Variants in CLVS1 observed in about 807,000 individuals in gnomAD.
CLVS1 encodes the protein clavesin-1.
Under a neutral mutation model 33.1 loss-of-function variants are expected in CLVS1, and 10 were observed. The observed-to-expected ratio is 0.30, with a 90% CI of 0.19 to 0.51. The LOEUF (loss-of-function observed/expected upper bound fraction) is 0.51, where lower values mean the gene tolerates loss of function less well. Among genes scored for constraint, CLVS1 ranks in the 20% least tolerant of loss-of-function variants. The pLI is 0.97. For synonymous variants in CLVS1, 163 were observed against 166.1 expected (o/e 0.98, Z 0.14); for missense variants, 343 against 433.4 (o/e 0.79, Z 1.85).
At chr8:61,092,234 A>T (rs1254304484) in intron 1 of CLVS1, among the ~76,000 whole-genome samples, 1 of 152,130 alleles carries the variant, frequency 6.6e-6, no homozygotes, top group Non-Finnish European at 1.5e-5. Context: ...GTTGGTGTTT[A>T]TGTCCCTGTA....
intron 2 of CLVS1, among the ~76,000 whole-genome samples, chr8:61,223,333 A>T (rs924346377): frequency 6.6e-6 from 1 of 151,910 alleles, no homozygotes; most frequent in Admixed American, 6.6e-5. Flanking sequence ...TCTTTTCTAC[A>T]TTTAGTGCTT....
intron 2 of CLVS1, among the ~76,000 whole-genome samples, chr8:61,316,668 C>A (rs1270632573): frequency 6.6e-6 from 1 of 152,186 alleles, no homozygotes; most frequent in Non-Finnish European, 1.5e-5. Context: ...ACAGTTTACA[C>A]TGAGAATTAA....
chr8:61,499,354 C>CTAT, intron 5 of CLVS1, 101 bp from the exon 6 acceptor site: 1 of 730,578 alleles, frequency 1.4e-6, no homozygotes, highest in Admixed American at 2.1e-5. Flanking sequence ...TTTTGAGTGT[C>CTAT]TATTAAAAAG....
rs187627268 is a variant in CLVS1 at position 61,118,439 on chromosome 8, T to C, written c.-242-13331T>C. Among the ~76,000 whole-genome samples, 661 of 145,974 alleles carry C rather than the reference T, an allele frequency of 4.5e-3. 29 individuals are homozygous for C. The East Asian group carries it at 0.087, about 19-fold the overall frequency. ...GCTTTTGAATGTGTTTGCTCTGCTT[T>C]TCTAGTTCTTTTAATTGTGATGTTA... On this transcript the variant is annotated intron_variant, in intron 1 of 2. Transcript: ENST00000522621.
At chr8:61,201,623 T>C (rs1230331513) in intron 2 of CLVS1, among the ~76,000 whole-genome samples, 1 of 152,186 alleles carries the variant, frequency 6.6e-6, no homozygotes, top group East Asian at 1.9e-4. Flanking sequence ...TGGTCAGTAA[T>C]GTGATGGGCC....
At chr8:61,434,654 G>A (rs1816247018) in intron 3 of CLVS1, among the ~76,000 whole-genome samples, 1 of 152,224 alleles carries the variant, frequency 6.6e-6, no homozygotes. Context: ...GCAGTTGGTT[G>A]AGTTTATCTG....
intron 2 of CLVS1, among the ~76,000 whole-genome samples, chr8:61,158,213 C>T (rs1475743274): frequency 1.3e-5 from 2 of 152,142 alleles, no homozygotes; most frequent in Non-Finnish European, 2.9e-5. Flanking sequence ...CCAGATCCCC[C>T]ATCCCTAAAC....
the CLVS1 span, among the ~76,000 whole-genome samples, chr8:60,978,013 G>A: frequency 6.6e-6 from 1 of 152,158 alleles, no homozygotes; most frequent in Non-Finnish European, 1.5e-5. Context: ...GTAAAGTCCT[G>A]GAAGAAAAAA....
At chr8:61,184,673 C>G (rs571364888) in intron 2 of CLVS1, among the ~76,000 whole-genome samples, 1 of 152,134 alleles carries the variant, frequency 6.6e-6, no homozygotes, top group East Asian at 1.9e-4. Context: ...TTCCCTGCAC[C>G]CCACCATCCC....
intron 1 of CLVS1, among the ~76,000 whole-genome samples, chr8:61,104,093 G>T (rs1805494553): frequency 6.6e-6 from 1 of 152,142 alleles, no homozygotes; most frequent in Non-Finnish European, 1.5e-5. Context: ...TGGACATTTG[G>T]ATTTCAGCAG....
At chr8:61,185,594 T>A (rs1807330906) in intron 2 of CLVS1, among the ~76,000 whole-genome samples, 1 of 152,158 alleles carries the variant, frequency 6.6e-6, no homozygotes, top group African/African-American at 2.4e-5. Flanking sequence ...GTAAATAAAC[T>A]TTATGTATAT....
At chr8:61,140,089 C>T (rs1806279245) in intron 2 of CLVS1, among the ~76,000 whole-genome samples, 1 of 152,058 alleles carries the variant, frequency 6.6e-6, no homozygotes, top group East Asian at 1.9e-4. Flanking sequence ...TCCATGGAGA[C>T]CAGAAAGAGA....
At chr8:61,265,477 G>C (rs947350987) in intron 2 of CLVS1, among the ~76,000 whole-genome samples, 1 of 152,088 alleles carries the variant, frequency 6.6e-6, no homozygotes, top group Non-Finnish European at 1.5e-5. Context: ...TTGAAATTTT[G>C]TGAAGTTTAA....
At chr8:61,374,897 A>C (rs1397519502) in intron 2 of CLVS1, among the ~76,000 whole-genome samples, 2 of 152,170 alleles carry the variant, frequency 1.3e-5, no homozygotes, top group Non-Finnish European at 2.9e-5. Context: ...GGCTTAATAT[A>C]AGGAAATGAT....
intron 1 of CLVS1, among the ~76,000 whole-genome samples, chr8:61,067,499 T>C (rs1428158555): frequency 2.0e-5 from 3 of 149,514 alleles, no homozygotes; most frequent in Non-Finnish European, 4.4e-5. Context: ...ATTAATAATA[T>C]ATAATTATAA....
upstream of CLVS1, among the ~76,000 whole-genome samples, chr8:61,283,267 T>C (rs1329541825): frequency 6.6e-6 from 1 of 152,236 alleles, no homozygotes; most frequent in Non-Finnish European, 1.5e-5. Flanking sequence ...CATTACAGGT[T>C]GAATTACTTT....
chr8:61,079,372 C>T (rs146121618), intron 1 of CLVS1, among the ~76,000 whole-genome samples: 9 of 152,208 alleles, frequency 5.9e-5, no homozygotes, highest in East Asian at 1.9e-4. Flanking sequence ...AATTTAGTTC[C>T]GGAGGTGCTG....
At chr8:61,229,012 T>C (rs77066711) in intron 2 of CLVS1, among the ~76,000 whole-genome samples, 3,499 of 152,308 alleles carry the variant, frequency 0.023, 56 homozygotes, top group Non-Finnish European at 0.038. Flanking sequence ...CCACCAACAG[T>C]GTGCAAAGAC....
At chr8:61,144,440 C>T (rs1219256593) in intron 2 of CLVS1, among the ~76,000 whole-genome samples, 11 of 152,064 alleles carry the variant, frequency 7.2e-5, no homozygotes. Flanking sequence ...TTTTCTTTAT[C>T]CAGCCTATCA....
Sources: allele counts gnomAD v4.1 joint callset (sites outside exome capture counted in the v4.1 genomes callset), GRCh38; gene constraint gnomAD v4.1.1; transcripts MANE v1.5; gene names NCBI Gene and HGNC (gene_info 2026-07-23, HGNC 2026-07-21).